The following ADGRL3 variants were observed in gnomAD, a reference collection of about 807,000 sequenced individuals.
ADGRL3 encodes adhesion G protein-coupled receptor L3.
A neutral mutation model predicts 153.5 loss-of-function variants in ADGRL3; 62 were observed. The observed-to-expected ratio is 0.40, with a 90% CI of 0.33 to 0.50. The LOEUF is 0.50. ADGRL3 is among the 20% of genes least tolerant of loss of function. The probability of loss-of-function intolerance (pLI) is 0.47; values close to 1 mark genes in which losing one functional copy is unlikely to be tolerated. For synonymous variants in ADGRL3, 710 were observed against 672.5 expected (o/e 1.06, Z -0.86); for missense variants, 1,641 against 1,859.4 (o/e 0.88, Z 2.16).
At chr4:61,324,910 T>C (rs963892454) in intron 1 of ADGRL3, among the ~76,000 whole-genome samples, 3 of 152,314 alleles carry the variant, frequency 2.0e-5, no homozygotes, top group Middle Eastern at 3.4e-3. Flanking sequence ...GTGTAATTCA[T>C]TAACTTATTA....
chr4:61,368,046 G>C (rs1469140969), intron 1 of ADGRL3, among the ~76,000 whole-genome samples: 2 of 151,694 alleles, frequency 1.3e-5, no homozygotes, highest in South Asian at 2.1e-4. Context: ...CTTTTGAGAA[G>C]TGTCTGTTCA....
chr4:61,812,924 A>G (rs2097647356), intron 8 of ADGRL3, among the ~76,000 whole-genome samples: 1 of 152,172 alleles, frequency 6.6e-6, no homozygotes, highest in Non-Finnish European at 1.5e-5. Context: ...CAGTAGGAAT[A>G]CTTTTGTGTT....
intron 21 of ADGRL3, 106 bp from the exon 22 acceptor site, chr4:62,028,749 G>T (rs1720308771): frequency 2.6e-6 from 2 of 758,960 alleles, no homozygotes; most frequent in Non-Finnish European, 4.3e-6. Context: ...TTAGGGAGGT[G>T]GGGGACAGAG....
intron 2 of ADGRL3, among the ~76,000 whole-genome samples, chr4:61,401,079 A>ATT (rs1560576298): frequency 2.2e-5 from 3 of 139,154 alleles, no homozygotes; most frequent in Non-Finnish European, 3.3e-5. Flanking sequence ...TTTTTTTTAA[A>ATT]AAAAAGATTT....
intron 5 of ADGRL3, among the ~76,000 whole-genome samples, chr4:61,615,671 G>A (rs549818535): frequency 2.0e-5 from 3 of 151,736 alleles, no homozygotes; most frequent in Non-Finnish European, 4.4e-5. Context: ...GATACTTTGG[G>A]GTAGAAGGTA....
chr4:61,889,562 G>T (rs2098557702), intron 9 of ADGRL3, among the ~76,000 whole-genome samples: 1 of 152,064 alleles, frequency 6.6e-6, no homozygotes, highest in Non-Finnish European at 1.5e-5. Flanking sequence ...GGTAGAGAAT[G>T]ATTTGAATAG....
chr4:61,291,218 G>GCACACACGCGCACA (rs1553895045), intron 1 of ADGRL3, among the ~76,000 whole-genome samples: 16 of 134,006 alleles, frequency 1.2e-4, no homozygotes, highest in African/African-American at 4.2e-4. Flanking sequence ...ACACACACAC[G>GCACACACGCGCACA]CACACACACA....
chr4:61,459,946 C>T (rs1307877325), intron 2 of ADGRL3, among the ~76,000 whole-genome samples: 1 of 151,966 alleles, frequency 6.6e-6, no homozygotes, highest in Non-Finnish European at 1.5e-5. Context: ...GGGTTTTTTG[C>T]TGTCAAGTTC....
intron 5 of ADGRL3, among the ~76,000 whole-genome samples, chr4:61,667,486 G>T (rs2094840230): frequency 6.6e-6 from 1 of 152,082 alleles, no homozygotes; most frequent in South Asian, 2.1e-4. Context: ...ATCAACATGA[G>T]TCACTTTTCA....
intron 1 of ADGRL3, among the ~76,000 whole-genome samples, chr4:61,344,161 G>A (rs530296515): frequency 3.9e-5 from 6 of 152,274 alleles, no homozygotes; most frequent in East Asian, 3.9e-4. Context: ...TATTAAGTAC[G>A]GTGTGGCAAG....
intron 10 of ADGRL3, among the ~76,000 whole-genome samples, chr4:61,894,034 T>C (rs764146585): frequency 3.4e-4 from 51 of 152,130 alleles, no homozygotes; most frequent in Middle Eastern, 3.2e-3. Context: ...TTATTACTGA[T>C]ATCATTCATA....
At chr4:61,389,913 C>T (rs1400086288) in intron 2 of ADGRL3, among the ~76,000 whole-genome samples, 1 of 152,128 alleles carries the variant, frequency 6.6e-6, no homozygotes, top group African/African-American at 2.4e-5. Flanking sequence ...TTGTCAGCTA[C>T]TACTTAATCC....
chr4:61,612,068 CAT>C (rs1209959100), intron 5 of ADGRL3, among the ~76,000 whole-genome samples: 2 of 151,942 alleles, frequency 1.3e-5, no homozygotes, highest in Admixed American at 6.6e-5. Flanking sequence ...AAGTTGAAAA[CAT>C]AAAATAGGAC....
At chr4:61,339,950 G>T (rs964012358) in intron 1 of ADGRL3, among the ~76,000 whole-genome samples, 2 of 152,088 alleles carry the variant, frequency 1.3e-5, no homozygotes, top group African/African-American at 4.8e-5. Flanking sequence ...CAGTCAGGTT[G>T]GTCAAATAAC....
At chr4:61,249,090 C>T (rs763966423) in intron 1 of ADGRL3, among the ~76,000 whole-genome samples, 4 of 152,038 alleles carry the variant, frequency 2.6e-5, no homozygotes, top group South Asian at 2.1e-4. Flanking sequence ...TTAGAGTCTT[C>T]GTGTCTATCT....
At chr4:61,424,724 C>A (rs1383406069) in intron 2 of ADGRL3, among the ~76,000 whole-genome samples, 1 of 152,190 alleles carries the variant, frequency 6.6e-6, no homozygotes, top group African/African-American at 2.4e-5. Flanking sequence ...CTGGTTTGAT[C>A]AACCTCATTG....
chr4:61,390,045 C>T (rs1318901144), intron 2 of ADGRL3, among the ~76,000 whole-genome samples: 1 of 151,994 alleles, frequency 6.6e-6, no homozygotes, highest in Non-Finnish European at 1.5e-5. Flanking sequence ...AAGGTTATAA[C>T]CAATTATTTG....
chr4:61,636,383 T>C (rs974061068), intron 5 of ADGRL3, among the ~76,000 whole-genome samples: 1 of 152,188 alleles, frequency 6.6e-6, no homozygotes, highest in Non-Finnish European at 1.5e-5. Flanking sequence ...AGGGGCTTAT[T>C]TGAAATGGTG....
chr4:61,244,459 T>C (rs1357745223), intron 1 of ADGRL3, among the ~76,000 whole-genome samples: 7 of 152,034 alleles, frequency 4.6e-5, no homozygotes, highest in African/African-American at 1.7e-4. Flanking sequence ...CTCAAATAGA[T>C]TTATGCATGT....
Sources: allele counts gnomAD v4.1 joint callset (sites outside exome capture counted in the v4.1 genomes callset), GRCh38; gene constraint gnomAD v4.1.1; transcripts MANE v1.5; gene names NCBI Gene and HGNC (gene_info 2026-07-23, HGNC 2026-07-21).